Variants in THSD7A observed in about 807,000 individuals in gnomAD.
THSD7A encodes thrombospondin type-1 domain-containing protein 7A.
A neutral mutation model predicts 231.3 loss-of-function variants in THSD7A; 96 were observed. The ratio of observed to expected loss-of-function variants is 0.41; its 90% CI spans 0.35 to 0.49. THSD7A has a LOEUF of 0.49. Among genes scored for constraint, THSD7A ranks in the 20% least tolerant of loss-of-function variants. The pLI is 0.05. For synonymous variants in THSD7A, 940 were observed against 743.3 expected (o/e 1.26, Z -4.30); for missense variants, 2,290 against 2,070.2 (o/e 1.11, Z -2.06).
intron 6 of THSD7A, among the ~76,000 whole-genome samples, chr7:11,516,451 T>C (rs1788033346): frequency 6.6e-6 from 1 of 152,158 alleles, no homozygotes; most frequent in African/African-American, 2.4e-5. Context: ...ATTACTGAAG[T>C]GTACTTCATG....
chr7:11,619,514 TC>T (rs1347122756), intron 2 of THSD7A, among the ~76,000 whole-genome samples: 11 of 150,310 alleles, frequency 7.3e-5, no homozygotes, highest in African/African-American at 2.4e-4. Context: ...GCTCAAGAAA[TC>T]CTCCTGCCAA....
At chr7:11,565,912 TA>T (rs1790296363) in intron 4 of THSD7A, among the ~76,000 whole-genome samples, 1 of 152,204 alleles carries the variant, frequency 6.6e-6, no homozygotes, top group Non-Finnish European at 1.5e-5. Flanking sequence ...AGGTCTGAAT[TA>T]AACTGCTGGG....
In THSD7A at chr7:11,749,737, A is replaced by T. The variant is rs75250961; in HGVS notation, c.190+82020T>A. Among the ~76,000 whole-genome samples, 1,043 of 152,110 alleles carry T rather than the reference A, an allele frequency of 6.9e-3. 6 individuals are homozygous for T. Among genetic ancestry groups the T allele is most frequent in the African/African-American group, 0.024 (988 of 41,536 alleles). On this transcript the variant is annotated intron_variant, in intron 1 of 27. Coordinates refer to ENST00000423059, the MANE Select transcript of THSD7A (RefSeq NM_015204.3). ...GGAGCTATCATATGGCAAAGGTGTA[A>T]CACAGATAGAATTATATTGCCAATC... is the stretch of plus-strand genomic sequence containing the variant.
chr7:11,531,691 G>T (rs1415784787), intron 6 of THSD7A, among the ~76,000 whole-genome samples: 1 of 152,180 alleles, frequency 6.6e-6, no homozygotes, highest in Non-Finnish European at 1.5e-5. Flanking sequence ...TTGTGAACTA[G>T]GTTGGAAAAA....
At chr7:11,549,606 G>A (rs1789540362) in intron 4 of THSD7A, among the ~76,000 whole-genome samples, 2 of 152,112 alleles carry the variant, frequency 1.3e-5, no homozygotes, top group Admixed American at 6.6e-5. Context: ...CCATTAAAAG[G>A]AATGAGATCA....
chr7:11,695,917 A>C (rs1780379451), intron 1 of THSD7A, among the ~76,000 whole-genome samples: 3 of 151,546 alleles, frequency 2.0e-5, no homozygotes, highest in African/African-American at 7.3e-5. Context: ...GCCTAGGGAG[A>C]TAGGAGGCTA....
intron 1 of THSD7A, among the ~76,000 whole-genome samples, chr7:11,663,260 G>T: frequency 6.6e-6 from 1 of 151,318 alleles, no homozygotes; most frequent in Middle Eastern, 3.4e-3. Flanking sequence ...ACATAAGTTT[G>T]AAAAATAAAT....
chr7:11,476,821 A>AAG (rs1786207043), intron 7 of THSD7A, among the ~76,000 whole-genome samples: 1 of 143,776 alleles, frequency 7.0e-6, no homozygotes. Context: ...TCTCAGAGAA[A>AAG]AAAAAAAAAA....
rs146559369 is a variant in THSD7A at position 11,608,837 on chromosome 7, C to T, written c.1023-15335G>A. Among the ~76,000 whole-genome samples, 397 of 152,212 alleles carry T rather than the reference C, an allele frequency of 2.6e-3. 1 individual carries two copies. Among genetic ancestry groups the T allele is most frequent in the African/African-American group, 9.3e-3 (387 of 41,534 alleles). On this transcript the variant is annotated intron_variant, in intron 2 of 27. Transcript: ENST00000423059. ...TAAATCCAATATAATGGTTCCCAAA[C>T]AGAATTCGCCATCTTCCCCTCAAAA...
chr7:11,560,635 C>T (rs941266054), intron 4 of THSD7A, among the ~76,000 whole-genome samples: 2 of 152,066 alleles, frequency 1.3e-5, no homozygotes, highest in Non-Finnish European at 2.9e-5. Context: ...TTATAGCATG[C>T]AACCCATGCA....
chr7:11,509,754 G>A (rs1376272129), intron 6 of THSD7A, among the ~76,000 whole-genome samples: 9 of 139,602 alleles, frequency 6.4e-5, no homozygotes, highest in African/African-American at 1.6e-4. Context: ...CCCGGGAGGC[G>A]GAGCTTGCAG....
chr7:11,546,223 C>CACACACACACACAAAA (rs371554481), intron 4 of THSD7A, among the ~76,000 whole-genome samples: 1 of 148,712 alleles, frequency 6.7e-6, no homozygotes, highest in African/African-American at 2.5e-5. Flanking sequence ...CACACACACA[C>CACACACACACACAAAA]ACACACACGT....
At chr7:11,739,032 G>A (rs890339249) in intron 1 of THSD7A, among the ~76,000 whole-genome samples, 5 of 152,054 alleles carry the variant, frequency 3.3e-5, no homozygotes, top group Non-Finnish European at 7.4e-5. Context: ...TGTGAAGCAT[G>A]TAGATCAGTG....
chr7:11,630,381 AATTTATAT>A (rs1180831670), intron 2 of THSD7A, among the ~76,000 whole-genome samples: 1 of 152,224 alleles, frequency 6.6e-6, no homozygotes, highest in Non-Finnish European at 1.5e-5. Flanking sequence ...GCTAAGGCTG[AATTTATAT>A]AAAGACTTAA....
chr7:11,462,581 A>G (rs2128298688), intron 9 of THSD7A, among the ~76,000 whole-genome samples: 1 of 152,284 alleles, frequency 6.6e-6, no homozygotes, highest in Admixed American at 6.5e-5. Flanking sequence ...CAGTGCTATA[A>G]TGTGAAATTT....
At chr7:11,479,127 A>C (rs1026282662) in intron 7 of THSD7A, among the ~76,000 whole-genome samples, 10 of 152,270 alleles carry the variant, frequency 6.6e-5, no homozygotes, top group South Asian at 4.1e-4. Context: ...GAGTTACCCA[A>C]AACTGTAGCT....
chr7:11,420,246 A>G (rs2115404364), intron 16 of THSD7A, among the ~76,000 whole-genome samples: 1 of 152,218 alleles, frequency 6.6e-6, no homozygotes, highest in East Asian at 1.9e-4. Flanking sequence ...CATGACAGCC[A>G]CTCCCATCAC....
At chr7:11,492,658 A>T (rs1391425897) in intron 6 of THSD7A, among the ~76,000 whole-genome samples, 3 of 152,056 alleles carry the variant, frequency 2.0e-5, no homozygotes, top group African/African-American at 7.2e-5. Context: ...TCTGAACAAT[A>T]TTTGGAGAGA....
In THSD7A at chr7:11,428,928, T is replaced by G. The variant is rs775142154; in HGVS notation, c.3243+19A>C. 4.4e-6 allele frequency: 7 copies of G among 1,594,336 alleles called. No individual in the cohort carries two copies. The Admixed American group carries it at 7.3e-5, about 17-fold the overall frequency. ...GTGAATCTCAACAATATCTTAACAC[T>G]GTCAATGATAGAAAATACCTGGTTG... On this transcript the variant is annotated intron_variant, in intron 14 of 27. Transcript: ENST00000423059.
Sources: gnomAD v4.1 joint callset for allele counts (sites outside exome capture counted in the v4.1 genomes callset) on GRCh38, gnomAD v4.1.1 for gene constraint, MANE v1.5 for transcripts, NCBI Gene and HGNC (gene_info 2026-07-23, HGNC 2026-07-21) for gene names.